The following SLCO6A1 variants were observed in gnomAD, a reference collection of about 807,000 sequenced individuals.
SLCO6A1 encodes the protein solute carrier organic anion transporter family member 6A1.
In SLCO6A1, 65 loss-of-function variants were observed where a neutral mutation model predicts 72.7. That is an observed-to-expected ratio of 0.89 (90% CI 0.73 to 1.10). SLCO6A1 has a LOEUF of 1.10. Ranked by LOEUF, SLCO6A1 falls within the 50% of genes least tolerant of loss-of-function variation. SLCO6A1 has a pLI of 0.00. For synonymous variants in SLCO6A1, 314 were observed against 298.2 expected (o/e 1.05, Z -0.55); for missense variants, 874 against 872.6 (o/e 1.00, Z -0.02).
intron 10 of SLCO6A1, 153 bp from the exon 11 acceptor site, chr5:102,391,198 A>T (rs577413198): frequency 3.0e-6 from 2 of 672,496 alleles, no homozygotes; most frequent in Non-Finnish European, 5.1e-6. Context: ...GGCCTGTTAA[A>T]GGACTACAAC....
At chr5:102,458,997 A>T (rs1750883679) in intron 5 of SLCO6A1, among the ~76,000 whole-genome samples, 1 of 152,176 alleles carries the variant, frequency 6.6e-6, no homozygotes, top group Non-Finnish European at 1.5e-5. Flanking sequence ...AAGGTAGTCA[A>T]TACATTAAAT....
chr5:102,381,484 C>A (rs1425005833), intron 12 of SLCO6A1, among the ~76,000 whole-genome samples: 1 of 151,688 alleles, frequency 6.6e-6, no homozygotes, highest in African/African-American at 2.4e-5. Flanking sequence ...TGTCAATGAG[C>A]ACCTAGGTTA....
rs760633419 is a variant in SLCO6A1 at position 102,498,620 on chromosome 5, G to A, written c.225C>T (p.Ser75=). Residue 75 remains serine (S), a synonymous_variant, in exon 1 of 14, where the codon TCC becomes TCT. Transcript: ENST00000506729. ...TGTCATCCACTTCTCCCGGCTTCTT[G>A]GAAACTGAGGACTTGGCTTTTTTCC... is the stretch of plus-strand genomic sequence containing the variant. The part of the protein sequence containing the change: ...RKRKKAKSSV[S]KKPGEVDDSL... The A allele has an allele frequency of 1.5e-5, 25 of 1,614,124 alleles. No homozygotes were observed. The highest frequency in any genetic ancestry group is 1.9e-5 in the Non-Finnish European group (23 of 1,180,050).
chr5:102,401,276 A>G (rs1747385011), intron 9 of SLCO6A1, among the ~76,000 whole-genome samples: 2 of 152,160 alleles, frequency 1.3e-5, no homozygotes, highest in Non-Finnish European at 2.9e-5. Flanking sequence ...CTGGATCAGA[A>G]TGAACATGAA....
intron 1 of SLCO6A1, among the ~76,000 whole-genome samples, chr5:102,496,363 T>C (rs779363810): frequency 1.1e-4 from 17 of 152,138 alleles, no homozygotes; most frequent in South Asian, 2.1e-4. Context: ...AATAGATCAA[T>C]TGACAAATAG....
At position 102,498,598 on chromosome 5, in the gene SLCO6A1, C is replaced by T; in HGVS notation, c.247G>A (p.Asp83Asn). Residue 83 changes from aspartate to asparagine, a missense_variant, in exon 1 of 14, where the codon GAC becomes AAC. Coordinates refer to ENST00000506729, the MANE Select transcript of SLCO6A1 (RefSeq NM_173488.5). ...SVSKKPGEVD[D>N]SLEQPCGLGC... ...AAACCACAGGGCTGCTCCAAACTGT[C>T]ATCCACTTCTCCCGGCTTCTTGGAA... 6.2e-7 allele frequency: 1 copy of T among 1,614,268 alleles called. No homozygotes were observed. Among genetic ancestry groups the T allele is most frequent in the Non-Finnish European group, 8.5e-7 (1 of 1,180,050 alleles).
rs376461607 is a variant in SLCO6A1, at chr5:102,389,456, C to CCCCA, written c.1880-632_1880-631insTGGG. ...CAGTCACACACCCCGCCCCCCACCCCCACACACACAGAGTTGCCCCCAAAC... is the reference window on the plus strand; with the variant it reads ...CAGTCACACACCCCGCCCCCCACCCCCCCACACACACACAGAGTTGCCCCCAAAC... On this transcript the variant is annotated intron_variant, in intron 11 of 13. Transcript: ENST00000506729. Among the ~76,000 whole-genome samples, 664 of 81,602 alleles carry CCCCA rather than the reference C, an allele frequency of 8.1e-3. 9 individuals are homozygous for CCCCA. The highest frequency in any genetic ancestry group is 0.013 in the Non-Finnish European group (495 of 38,186). 53.5% of individuals were successfully genotyped at this position (81,602 alleles called of 152,430 possible).
intron 4 of SLCO6A1, among the ~76,000 whole-genome samples, chr5:102,469,942 T>C (rs1751516591): frequency 6.6e-6 from 1 of 152,142 alleles, no homozygotes; most frequent in East Asian, 1.9e-4. Flanking sequence ...GTTGGTTCTG[T>C]TTATGTGAGT....
intron 9 of SLCO6A1, among the ~76,000 whole-genome samples, chr5:102,404,145 C>T (rs1647483703): frequency 6.6e-6 from 1 of 152,136 alleles, no homozygotes; most frequent in South Asian, 2.1e-4. Flanking sequence ...GAAAATACTG[C>T]ATCTAAGAAC....
At chr5:102,450,553 T>C (rs1220057364) in intron 6 of SLCO6A1, among the ~76,000 whole-genome samples, 1 of 152,196 alleles carries the variant, frequency 6.6e-6, no homozygotes, top group African/African-American at 2.4e-5. Context: ...TGGGCTCCTT[T>C]CCCACTAGCA....
At chr5:102,477,939 A>G (rs755085871) in intron 2 of SLCO6A1, 78 bp from the exon 3 acceptor site, 49 of 1,374,376 alleles carry the variant, frequency 3.6e-5, no homozygotes, top group Non-Finnish European at 4.4e-5. Context: ...TTTATCAAAT[A>G]TTTTACAAGC....
At chr5:102,451,918 G>A (rs1404342766) in intron 6 of SLCO6A1, among the ~76,000 whole-genome samples, 1 of 152,120 alleles carries the variant, frequency 6.6e-6, no homozygotes, top group Non-Finnish European at 1.5e-5. Flanking sequence ...TATTTAAATA[G>A]GATTTATATT....
chr5:102,397,739 T>G (rs951141731), intron 10 of SLCO6A1, among the ~76,000 whole-genome samples: 10 of 152,234 alleles, frequency 6.6e-5, no homozygotes, highest in Non-Finnish European at 1.5e-4. Flanking sequence ...GTATATTTTC[T>G]GTTCCTTATA....
chr5:102,459,082 G>C (rs902504897), intron 5 of SLCO6A1, among the ~76,000 whole-genome samples: 1 of 151,974 alleles, frequency 6.6e-6, no homozygotes, highest in Admixed American at 6.6e-5. Context: ...TCTTTAAAAG[G>C]AAATAATGAG....
At chr5:102,404,919 T>C (rs1051517876) in intron 9 of SLCO6A1, among the ~76,000 whole-genome samples, 2 of 152,160 alleles carry the variant, frequency 1.3e-5, no homozygotes, top group African/African-American at 4.8e-5. Flanking sequence ...CAGCCAAAAC[T>C]TTAATTCAAA....
chr5:102,434,667 G>A (rs1040153803), intron 7 of SLCO6A1, among the ~76,000 whole-genome samples: 4 of 152,138 alleles, frequency 2.6e-5, no homozygotes, highest in African/African-American at 9.7e-5. Flanking sequence ...ACAGAGACGT[G>A]GCTTTCTGTA....
In SLCO6A1 at chr5:102,413,028, C is replaced by A; in HGVS notation, c.1588G>T (p.Ala530Ser). Residue 530 changes from alanine to serine, a missense_variant, in exon 9 of 14, where the codon GCA becomes TCA. Ala to Ser is a moderately conservative substitution (Grantham distance 99, BLOSUM62 1). Coordinates refer to ENST00000506729, the MANE Select transcript of SLCO6A1 (RefSeq NM_173488.5). ...DDIEYFSPCF[A>S]GCTYSKAQNQ... The stretch of plus-strand genomic sequence containing the variant: ...TGTGCTTTAGAATATGTACACCCTG[C>A]AAAGCAGGGAGAAAAATATTCAATA... 1 of 1,556,200 alleles carries A rather than the reference C, an allele frequency of 6.4e-7. No homozygotes were observed. The highest frequency in any genetic ancestry group is 1.3e-5 in the South Asian group (1 of 76,108).
chr5:102,383,284 T>A (rs1356374237), intron 12 of SLCO6A1, among the ~76,000 whole-genome samples: 1 of 151,384 alleles, frequency 6.6e-6, no homozygotes, highest in African/African-American at 2.4e-5. Flanking sequence ...TTTTTCCTGA[T>A]CATAAAGAGA....
chr5:102,442,153 T>A (rs1749869162), intron 6 of SLCO6A1, among the ~76,000 whole-genome samples: 1 of 152,192 alleles, frequency 6.6e-6, no homozygotes, highest in Non-Finnish European at 1.5e-5. Flanking sequence ...TGGAACTGAT[T>A]TTTGGAGCAT....
Sources: allele counts gnomAD v4.1 joint callset (sites outside exome capture counted in the v4.1 genomes callset), GRCh38; gene constraint gnomAD v4.1.1; transcripts MANE v1.5; gene names NCBI Gene and HGNC (gene_info 2026-07-23, HGNC 2026-07-21).